The following DIP2C variants were observed in gnomAD, a reference collection of about 807,000 sequenced individuals.
DIP2C encodes the protein disco-interacting protein 2 homolog C.
Under a neutral mutation model 192.4 loss-of-function variants are expected in DIP2C, and 33 were observed. That is an observed-to-expected ratio of 0.17 (90% CI 0.13 to 0.23). DIP2C has a LOEUF of 0.23. Ranked by LOEUF, DIP2C falls within the 10% of genes least tolerant of loss-of-function variation. DIP2C has a pLI of 1.00. For synonymous variants in DIP2C, 979 were observed against 864.1 expected (o/e 1.13, Z -2.33); for missense variants, 1,537 against 2,110.1 (o/e 0.73, Z 5.32).
rs117362082 is a variant in DIP2C at position 497,682 on chromosome 10, C to T, written c.86-11152G>A. Reference sequence around the variant, plus strand: ...ATGCAGCCAGGGCTCCTCTGACACACGTAAGACCATGCAGAGAAGCGTCCG... The same window carrying T: ...ATGCAGCCAGGGCTCCTCTGACACATGTAAGACCATGCAGAGAAGCGTCCG... On this transcript the variant is annotated intron_variant, in intron 1 of 36. Transcript: ENST00000280886. Among the ~76,000 whole-genome samples, 191 of 152,310 alleles carry T rather than the reference C, an allele frequency of 1.3e-3. 6 individuals carry two copies. The East Asian group carries it at 0.032, about 26-fold the overall frequency.
At chr10:540,187 A>G (rs191646555) in intron 1 of DIP2C, among the ~76,000 whole-genome samples, 9 of 152,406 alleles carry the variant, frequency 5.9e-5, no homozygotes, top group African/African-American at 1.9e-4. Context: ...CGTGTTTTAA[A>G]GTCAACAATG....
At chr10:644,069 A>C (rs1038239375) in intron 1 of DIP2C, among the ~76,000 whole-genome samples, 5 of 152,250 alleles carry the variant, frequency 3.3e-5, no homozygotes, top group African/African-American at 1.2e-4. Flanking sequence ...TGTTTTAAAA[A>C]GATGAAACAA....
chr10:487,165 A>G (rs1348158390), intron 1 of DIP2C, among the ~76,000 whole-genome samples: 1 of 152,104 alleles, frequency 6.6e-6, no homozygotes, highest in African/African-American at 2.4e-5. Context: ...GAGCCAGCGC[A>G]AGCACACAGG....
At chr10:470,690 T>G (rs1265203051) in intron 3 of DIP2C, among the ~76,000 whole-genome samples, 1 of 152,074 alleles carries the variant, frequency 6.6e-6, no homozygotes, top group Admixed American at 6.5e-5. Context: ...AGAGAGAGAA[T>G]GTAGGAAACA....
intron 1 of DIP2C, among the ~76,000 whole-genome samples, chr10:539,094 T>C (rs1847845745): frequency 6.6e-6 from 1 of 152,240 alleles, no homozygotes; most frequent in Non-Finnish European, 1.5e-5. Context: ...GAATCTGCTA[T>C]ATGACCTCAG....
intron 1 of DIP2C, among the ~76,000 whole-genome samples, chr10:563,163 T>C (rs1200866956): frequency 6.6e-6 from 1 of 152,196 alleles, no homozygotes; most frequent in Non-Finnish European, 1.5e-5. Context: ...TCAGGGCTAG[T>C]GGGCCAACTT....
chr10:481,893 A>G (rs1725443218), intron 2 of DIP2C, among the ~76,000 whole-genome samples: 1 of 152,192 alleles, frequency 6.6e-6, no homozygotes, highest in Non-Finnish European at 1.5e-5. Context: ...TCCATACAGC[A>G]AATACCTGCC....
In DIP2C at chr10:310,047, C is replaced by T. The variant is rs1421646034; in HGVS notation, c.3970G>A (p.Ala1324Thr). Residue 1324 changes from alanine (A) to threonine (T), a missense_variant, in exon 32 of 37, where the codon GCC (alanine) becomes ACC (threonine). By Grantham distance (58) the Ala-to-Thr change is moderately conservative. Around this residue, in one of 4 missense-constraint regions of DIP2C, gnomAD observed 341 missense variants for 551.7 expected, o/e 0.62. Transcript: ENST00000280886. Reference sequence around the variant, plus strand: ...GTACAGTACCTGTCGTGTCTCAGGGCTCTCATGTCCACGTAGACAGTGGTT... The same window carrying T: ...GTACAGTACCTGTCGTGTCTCAGGGTTCTCATGTCCACGTAGACAGTGGTT... The part of the protein sequence containing the change: ...DPTTVYVDMR[A>T]LRHDRVRLVE... 6.2e-7 allele frequency: 1 copy of T among 1,614,196 alleles called. No homozygotes were observed. The highest frequency in any genetic ancestry group is 8.5e-7 in the Non-Finnish European group (1 of 1,180,044).
At chr10:414,928 G>C (rs1028474028) in intron 7 of DIP2C, among the ~76,000 whole-genome samples, 1 of 137,564 alleles carries the variant, frequency 7.3e-6, no homozygotes, top group Non-Finnish European at 1.5e-5. Context: ...TTTTGGTAGA[G>C]ACAGGGTTTT....
At chr10:560,854 G>A (rs1030266916) in intron 1 of DIP2C, among the ~76,000 whole-genome samples, 1 of 152,136 alleles carries the variant, frequency 6.6e-6, no homozygotes, top group Non-Finnish European at 1.5e-5. Context: ...TCTGGAATTA[G>A]ACAGAACTTA....
intron 1 of DIP2C, among the ~76,000 whole-genome samples, chr10:649,457 C>T (rs1278435856): frequency 6.6e-6 from 1 of 152,204 alleles, no homozygotes; most frequent in African/African-American, 2.4e-5. Context: ...GTCCCCTTGA[C>T]CTTCACGAAT....
In DIP2C at chr10:580,212, A is replaced by G. The variant is rs1248405897; in HGVS notation, c.86-93682T>C. 4.6e-5 allele frequency among the ~76,000 whole-genome samples: 7 copies of G among 151,000 alleles called. No homozygotes were observed. In the South Asian group the frequency reaches 1.0e-3, roughly 23 times the overall value. The stretch of plus-strand genomic sequence containing the variant: ...AGTGTATACATATGCACATATATAT[A>G]ATGTATATATGTCAGTACACTAACA... On this transcript the variant is annotated intron_variant, in intron 1 of 36. Coordinates refer to ENST00000280886, the MANE Select transcript of DIP2C (RefSeq NM_014974.3).
intron 1 of DIP2C, among the ~76,000 whole-genome samples, chr10:564,245 C>T (rs1849352670): frequency 1.3e-5 from 2 of 151,876 alleles, no homozygotes; most frequent in Admixed American, 1.3e-4. Context: ...GAGGCAGCAG[C>T]GTCTGGGTGA....
chr10:414,762 G>GTATATATATATA (rs1229136650), intron 7 of DIP2C, among the ~76,000 whole-genome samples: 17 of 53,330 alleles, frequency 3.2e-4, no homozygotes, highest in African/African-American at 1.1e-3. Flanking sequence ...TATATAATGT[G>GTATATATATATA]TATATATATA....
chr10:612,924 G>A (rs1336638413), intron 1 of DIP2C, among the ~76,000 whole-genome samples: 1 of 152,308 alleles, frequency 6.6e-6, no homozygotes, highest in East Asian at 1.9e-4. Context: ...TTAAATGCAT[G>A]TAAAATTTTA....
chr10:293,988 C>G (rs1274203073), intron 32 of DIP2C, among the ~76,000 whole-genome samples: 1 of 152,186 alleles, frequency 6.6e-6, no homozygotes, highest in South Asian at 2.1e-4. Flanking sequence ...ATGTTTTCAT[C>G]TAACCTAACC....
At chr10:637,511 G>C (rs569926859) in intron 1 of DIP2C, among the ~76,000 whole-genome samples, 1 of 152,210 alleles carries the variant, frequency 6.6e-6, no homozygotes, top group South Asian at 2.1e-4. Flanking sequence ...CACTGGGTCC[G>C]CACACAGTGG....
chr10:572,965 T>TA (rs1282130122), intron 1 of DIP2C, among the ~76,000 whole-genome samples: 2 of 152,060 alleles, frequency 1.3e-5, no homozygotes, highest in African/African-American at 2.4e-5. Context: ...CTGAATATCC[T>TA]ACAAAGGACA....
intron 1 of DIP2C, among the ~76,000 whole-genome samples, chr10:543,808 T>C (rs1347995208): frequency 2.0e-5 from 3 of 152,264 alleles, no homozygotes; most frequent in African/African-American, 4.8e-5. Context: ...TCAGTCTTTT[T>C]AGCATATTCT....
Sources: allele counts gnomAD v4.1 joint callset (sites outside exome capture counted in the v4.1 genomes callset), GRCh38; gene constraint gnomAD v4.1.1; regional missense constraint gnomAD v4.1.1; transcripts MANE v1.5; gene names NCBI Gene and HGNC (gene_info 2026-07-23, HGNC 2026-07-21).